Variants in VPS33B observed in about 807,000 individuals in gnomAD.
VPS33B encodes vacuolar protein sorting-associated protein 33B.
A neutral mutation model predicts 95.3 loss-of-function variants in VPS33B; 80 were observed. That is an observed-to-expected ratio of 0.84 (90% CI 0.70 to 1.01). VPS33B has a LOEUF of 1.01. Ranked by LOEUF, VPS33B falls within the 50% of genes least tolerant of loss-of-function variation. VPS33B has a pLI of 0.00. For synonymous variants in VPS33B, 280 were observed against 280.4 expected (o/e 1.00, Z 0.01); for missense variants, 715 against 773.4 (o/e 0.92, Z 0.90).
chr15:91,008,265 A>C lies in VPS33B; in HGVS notation c.404-301T>G, dbSNP rs555942825. ...CCGAGAAAACATTCATTCATTCATT[A>C]TTTATTTATTTATTTAGAGATGGAG... On this transcript the variant is annotated intron_variant, in intron 6 of 22. Coordinates refer to ENST00000333371, the MANE Select transcript of VPS33B (RefSeq NM_018668.5). Among the ~76,000 whole-genome samples the C allele has an allele frequency of 5.1e-4, 78 of 152,220 alleles. No individual in the cohort carries two copies. In the East Asian group the frequency reaches 6.8e-3, roughly 13 times the overall value.
At position 91,022,456 on chromosome 15, in the gene VPS33B, C is replaced by G; in HGVS notation, c.-207G>C. The stretch of plus-strand genomic sequence containing the variant: ...AGCTACTACCTCGGAGCAGCCTTGT[C>G]TCAGACCTGCAGCCACCGTGTCTCG... On this transcript the variant is annotated 5_prime_UTR_variant, in exon 1 of 23. Coordinates refer to ENST00000333371, the MANE Select transcript of VPS33B (RefSeq NM_018668.5). 1.9e-6 allele frequency: 1 copy of G among 522,462 alleles called. No homozygotes were observed. 32.4% of individuals were successfully genotyped at this position (522,462 alleles called of 1,614,324 possible).
At position 91,007,756 on chromosome 15, in the gene VPS33B, C is replaced by T. The variant is rs968164465; in HGVS notation, c.498+114G>A. 36 of 1,194,624 alleles carry T rather than the reference C, an allele frequency of 3.0e-5. No homozygotes were observed. In the East Asian group the frequency reaches 8.4e-4, roughly 28 times the overall value. The allele number at this position is 1,194,624 out of a possible 1,614,324, so 74.0% of individuals were successfully genotyped here. ...TAGCACTCAATCACCACATCACTAT[C>T]ACTTGTGATAAATTACTTGCGTTGG... On this transcript the variant is annotated intron_variant, in intron 7 of 22. Coordinates refer to ENST00000333371, the MANE Select transcript of VPS33B (RefSeq NM_018668.5). This position sits in a 1 kb window ranked among gnomAD's most constrained non-coding sequence, Gnocchi z 5.3.
intron 6 of VPS33B, 84 bp from the exon 7 acceptor site, chr15:91,008,048 T>C (rs2040666624): frequency 1.6e-6 from 2 of 1,261,034 alleles, no homozygotes; most frequent in South Asian, 1.2e-5. Context: ...AATATTTGAG[T>C]GCGTGCAACA....
rs2151684821 is a variant in VPS33B at position 91,018,065 on chromosome 15, C to G, written c.97-180G>C. On this transcript the variant is annotated intron_variant, in intron 1 of 22. Coordinates refer to ENST00000333371, the MANE Select transcript of VPS33B (RefSeq NM_018668.5). This position sits in a 1 kb window ranked among gnomAD's most constrained non-coding sequence, Gnocchi z 4.7. ...AGTTGACACTTCTCTGTATATTTAC[C>G]TATTTTGCCTTCTCGTTTTCTGTAC... The G allele has an allele frequency of 1.5e-6, 1 of 646,812 alleles. No homozygotes were observed. The highest frequency in any genetic ancestry group is 2.8e-6 in the Non-Finnish European group (1 of 359,504). The allele number at this position is 646,812 out of a possible 1,614,324, so 40.1% of individuals were successfully genotyped here. A position where few individuals can be genotyped will look rare whatever the true frequency, so the allele number is the denominator to read the frequency against.
Position 91,007,168 on chromosome 15 carries a change from C to G in VPS33B, c.604-122G>C. Reference sequence around the variant, plus strand: ...GTCCCCGAGACAGGAGCTAATTATTCACAATATGGCCCTATCTACTCCCGT... The same window carrying G: ...GTCCCCGAGACAGGAGCTAATTATTGACAATATGGCCCTATCTACTCCCGT... On this transcript the variant is annotated intron_variant, in intron 8 of 22. Transcript: ENST00000333371. This position sits in a 1 kb window ranked among gnomAD's most constrained non-coding sequence, Gnocchi z 5.3. 1.9e-6 allele frequency: 2 copies of G among 1,046,324 alleles called. No individual in the cohort carries two copies. The highest frequency in any genetic ancestry group is 1.8e-5 in the Admixed American group (1 of 56,276). The allele number at this position is 1,046,324 out of a possible 1,614,324, so 64.8% of individuals were successfully genotyped here. A position where few individuals can be genotyped will look rare whatever the true frequency, so the allele number is the denominator to read the frequency against.
intron 1 of VPS33B, among the ~76,000 whole-genome samples, chr15:91,019,242 C>T (rs1487796353): frequency 2.0e-5 from 3 of 150,710 alleles, no homozygotes; most frequent in Admixed American, 6.6e-5. Flanking sequence ...CTCAGCCTCC[C>T]GAGTAGCTGG....
At chr15:91,014,311 G>A in intron 4 of VPS33B, 73 bp downstream of exon 4, 1 of 1,454,832 alleles carries the variant, frequency 6.9e-7, no homozygotes, top group Non-Finnish European at 9.7e-7. Flanking sequence ...TTATTAGAGG[G>A]TCCTTATGGC....
At position 91,014,574 on chromosome 15, in the gene VPS33B, T is replaced by C. The variant is rs1311182752; in HGVS notation, c.240-141A>G. 3.3e-6 allele frequency: 3 copies of C among 904,834 alleles called. No individual in the cohort carries two copies. In the African/African-American group the frequency reaches 4.9e-5, roughly 15 times the overall value. The allele number at this position is 904,834 out of a possible 1,614,324, so 56.1% of individuals were successfully genotyped here. A position where few individuals can be genotyped will look rare whatever the true frequency, so the allele number is the denominator to read the frequency against. On this transcript the variant is annotated intron_variant, in intron 3 of 22. Transcript: ENST00000333371. ...AGCCAAAGCTATGCTATTCTCTTGGTCCACCATATACCAACCACAGAAGAT... is the reference window on the plus strand; with the variant it reads ...AGCCAAAGCTATGCTATTCTCTTGGCCCACCATATACCAACCACAGAAGAT...
At chr15:91,017,587 C>T (rs1022093119) in intron 2 of VPS33B, among the ~76,000 whole-genome samples, 3 of 151,484 alleles carry the variant, frequency 2.0e-5, no homozygotes, top group Non-Finnish European at 4.4e-5. Flanking sequence ...TGTGTCACTA[C>T]ACTGTATTCC....
chr15:91,012,323 G>A (rs1190607127), intron 5 of VPS33B, among the ~76,000 whole-genome samples: 2 of 152,118 alleles, frequency 1.3e-5, no homozygotes, highest in Non-Finnish European at 2.9e-5. Context: ...TTTTACAGAA[G>A]GAGAAAACAA....
rs760574435 is a variant in VPS33B at position 91,005,385 on chromosome 15, TCA to T, written c.1098_1099del (p.Glu367AlafsTer17). The stretch of plus-strand genomic sequence containing the variant: ...AGCAAGGCTGCGGCAGTTACCATGC[TCA>T]GTCTTGATTAGCTCCTGGAAATCCT... On this transcript the variant is annotated frameshift_variant, in exon 14 of 23. Transcript: ENST00000333371. LOFTEE classifies it high-confidence loss of function. This position sits in a 1 kb window ranked among gnomAD's most constrained non-coding sequence, Gnocchi z 6.4. 3 of 1,614,146 alleles carry T rather than the reference TCA, an allele frequency of 1.9e-6. No homozygotes were observed. Among genetic ancestry groups the T allele is most frequent in the Non-Finnish European group, 2.5e-6 (3 of 1,180,024 alleles).
chr15:91,006,971 G>C lies in VPS33B; in HGVS notation c.679C>G (p.His227Asp), dbSNP rs754192577. ...ETKGRRPEIG[H>D]IFLLDRDVDF... ...TTACCTCTGTCCAAGAGAAAGATAT[G>C]TCCAATCTCTGGCCTTCGGCCCTTG... The change falls in exon 9 of 23, where the codon CAT (histidine) becomes GAT (aspartate). Residue 227 changes from histidine to aspartate, a missense_variant. Physicochemically the swap from His to Asp is moderately conservative, Grantham distance 81. Coordinates refer to ENST00000333371, the MANE Select transcript of VPS33B (RefSeq NM_018668.5). This position sits in a 1 kb window ranked among gnomAD's most constrained non-coding sequence, Gnocchi z 5.4. 6 of 1,614,148 alleles carry C rather than the reference G, an allele frequency of 3.7e-6. No homozygotes were observed. Among genetic ancestry groups the C allele is most frequent in the Non-Finnish European group, 5.1e-6 (6 of 1,180,040 alleles).
chr15:91,016,861 G>C (rs910893876), intron 3 of VPS33B, 102 bp downstream of exon 3: 3 of 1,113,746 alleles, frequency 2.7e-6, no homozygotes, highest in African/African-American at 3.1e-5. Flanking sequence ...TAAAGTTCAG[G>C]GAGGTGAACC....
Position 91,013,577 on chromosome 15 carries a change from TGG to T in VPS33B, c.357+225_357+226del, listed in dbSNP as rs1186461794. On this transcript the variant is annotated intron_variant, in intron 5 of 22. Transcript: ENST00000333371. This position sits in a 1 kb window ranked among gnomAD's most constrained non-coding sequence, Gnocchi z 4.5. ...GCTTCCACCTTCCACCCTTCTGCCA[TGG>T]GATGACCCTCGCCAGATGCCAGCCC... Among the ~76,000 whole-genome samples, 1 of 152,212 alleles carries T rather than the reference TGG, an allele frequency of 6.6e-6. No homozygotes were observed. The highest frequency in any genetic ancestry group is 1.5e-5 in the Non-Finnish European group (1 of 68,036).
In VPS33B at chr15:91,007,855, G is replaced by A; in HGVS notation, c.498+15C>T. ...CCATCCCCTGATGCCAAGACACAAGGGCCTCTGCATTTACCAGAAAGTAAT... is the reference window on the plus strand; with the variant it reads ...CCATCCCCTGATGCCAAGACACAAGAGCCTCTGCATTTACCAGAAAGTAAT... On this transcript the variant is annotated intron_variant, in intron 7 of 22. Coordinates refer to ENST00000333371, the MANE Select transcript of VPS33B (RefSeq NM_018668.5). This position sits in a 1 kb window ranked among gnomAD's most constrained non-coding sequence, Gnocchi z 5.3. 1 of 1,611,526 alleles carries A rather than the reference G, an allele frequency of 6.2e-7. No homozygotes were observed. The highest frequency in any genetic ancestry group is 8.5e-7 in the Non-Finnish European group (1 of 1,177,790).
At chr15:91,003,272 T>A in intron 16 of VPS33B, 141 bp from the exon 17 acceptor site, 1 of 858,062 alleles carries the variant, frequency 1.2e-6, no homozygotes, top group Non-Finnish European at 1.9e-6. Flanking sequence ...ATACATTTGG[T>A]TCTAAATTTA....
chr15:91,003,732 C>T (rs1300687535), intron 16 of VPS33B, among the ~76,000 whole-genome samples: 1 of 152,178 alleles, frequency 6.6e-6, no homozygotes, highest in Non-Finnish European at 1.5e-5. Context: ...GCCACCGCAC[C>T]TGGCAGACTC....
At chr15:91,008,842 C>T (rs1187320640) in intron 6 of VPS33B, among the ~76,000 whole-genome samples, 3 of 152,090 alleles carry the variant, frequency 2.0e-5, no homozygotes, top group African/African-American at 7.2e-5. Flanking sequence ...GAAAATCAAG[C>T]TTAGAATTTG....
At position 91,005,910 on chromosome 15, in the gene VPS33B, A is replaced by C; in HGVS notation, c.939+63T>G. 6.2e-7 allele frequency: 1 copy of C among 1,608,214 alleles called. No homozygotes were observed. Among genetic ancestry groups the C allele is most frequent in the East Asian group, 2.2e-5 (1 of 44,840 alleles). On this transcript the variant is annotated intron_variant, in intron 12 of 22. Transcript: ENST00000333371. The surrounding 1 kb of genome is among the most constrained non-coding windows in gnomAD (Gnocchi z 6.4). ...GTCATAGTATTAGAAGGGGAGCCCA[A>C]GGGCAGCAGCCTTGGGAAGCCACTG... is the stretch of plus-strand genomic sequence containing the variant.
Sources: allele counts gnomAD v4.1 joint callset (sites outside exome capture counted in the v4.1 genomes callset), GRCh38; gene constraint gnomAD v4.1.1; non-coding constraint Gnocchi (gnomAD v3.1); transcripts MANE v1.5; gene names NCBI Gene and HGNC (gene_info 2026-07-23, HGNC 2026-07-21).